Variants in TENM3 observed in about 807,000 individuals in gnomAD.
TENM3 encodes the protein teneurin transmembrane protein 3.
Under a neutral mutation model 255.1 loss-of-function variants are expected in TENM3, and 63 were observed. The observed-to-expected ratio is 0.25, with a 90% confidence interval of 0.20 to 0.30. The LOEUF (loss-of-function observed/expected upper bound fraction) is 0.30, where lower values mean the gene tolerates loss of function less well. TENM3 is among the 10% of genes least tolerant of loss of function. The pLI is 1.00. For synonymous variants in TENM3, 1,306 were observed against 1,322.3 expected, an observed-to-expected ratio of 0.99 and a Z score of 0.27; for missense variants, 2,929 against 3,461.1, an observed-to-expected ratio of 0.85 and a Z score of 3.86.
chr4:182,730,168 T>C (rs1008329287), intron 14 of TENM3, 32 bp from the exon 15 acceptor site: 4 of 1,612,778 alleles, frequency 2.5e-6, no homozygotes, highest in Non-Finnish European at 3.4e-6. Flanking sequence ...AAAAGACAGA[T>C]GTTCATTCTC....
chr4:181,755,683 G>C, the TENM3 span, among the ~76,000 whole-genome samples: 1 of 152,042 alleles, frequency 6.6e-6, no homozygotes, highest in Non-Finnish European at 1.5e-5. Context: ...ATGTGGCTAA[G>C]TGACATCAAT....
intron 3 of TENM3, among the ~76,000 whole-genome samples, chr4:182,563,169 C>G (rs1743391447): frequency 6.6e-6 from 1 of 152,068 alleles, no homozygotes; most frequent in Non-Finnish European, 1.5e-5. Flanking sequence ...AATCCCAACA[C>G]TTAGGGAGGT....
chr4:182,182,903 C>G (rs1752930861), intron 1 of TENM3, among the ~76,000 whole-genome samples: 2 of 152,192 alleles, frequency 1.3e-5, no homozygotes, highest in South Asian at 4.1e-4. Context: ...AGTGTACCAA[C>G]AGTCTATTAT....
Position 182,530,120 on chromosome 4 carries a change from G to C in TENM3, c.512-70804G>C, listed in dbSNP as rs565793379. ...GTGGCCAACATCTCATCCACAACTTGTTCACAAACATATTCATCTCATAGT... is the reference window on the plus strand; with the variant it reads ...GTGGCCAACATCTCATCCACAACTTCTTCACAAACATATTCATCTCATAGT... On this transcript the variant is annotated intron_variant, in intron 3 of 27. Coordinates refer to ENST00000511685, the MANE Select transcript of TENM3 (RefSeq NM_001080477.4). 3.9e-5 allele frequency among the ~76,000 whole-genome samples: 6 copies of C among 152,238 alleles called. No homozygotes were observed. The South Asian group carries it at 1.2e-3, about 32-fold the overall frequency.
At chr4:181,570,813 G>A in the TENM3 span, among the ~76,000 whole-genome samples, 1 of 152,282 alleles carries the variant, frequency 6.6e-6, no homozygotes, top group Admixed American at 6.5e-5. Context: ...GACATTTACT[G>A]GAGGCAACAC....
At chr4:181,630,081 G>A in the TENM3 span, among the ~76,000 whole-genome samples, 684 of 152,274 alleles carry the variant, frequency 4.5e-3, 4 homozygotes, top group Middle Eastern at 0.014. Flanking sequence ...TGTATGTGTC[G>A]AGGAATTTAT....
intron 13 of TENM3, among the ~76,000 whole-genome samples, chr4:182,715,757 T>TCA (rs887573590): frequency 4.6e-5 from 7 of 150,934 alleles, no homozygotes; most frequent in Admixed American, 1.3e-4. Flanking sequence ...ACACACACAC[T>TCA]CACACACACA....
chr4:182,100,489 A>G, the TENM3 span, among the ~76,000 whole-genome samples: 3 of 143,362 alleles, frequency 2.1e-5, no homozygotes, highest in Admixed American at 7.1e-5. Flanking sequence ...ACACATATAT[A>G]TATATACACA....
chr4:182,049,208 C>T, the TENM3 span, among the ~76,000 whole-genome samples: 1 of 152,126 alleles, frequency 6.6e-6, no homozygotes, highest in Non-Finnish European at 1.5e-5. Flanking sequence ...TGACACACTT[C>T]GTGAACAAAA....
chr4:182,009,112 T>C, the TENM3 span, among the ~76,000 whole-genome samples: 3 of 152,110 alleles, frequency 2.0e-5, no homozygotes, highest in African/African-American at 4.8e-5. Context: ...TATCTCCTCC[T>C]TCTTCTGGGA....
At chr4:182,796,268 T>C (rs1766490090) in intron 26 of TENM3, among the ~76,000 whole-genome samples, 1 of 152,264 alleles carries the variant, frequency 6.6e-6, no homozygotes, top group South Asian at 2.1e-4. Flanking sequence ...AGACCAGCCT[T>C]GACCAACTAC....
In TENM3 at chr4:182,683,762, A is replaced by C. The variant is rs577940501; in HGVS notation, c.2035+1748A>C. Among the ~76,000 whole-genome samples the C allele has an allele frequency of 3.3e-5, 5 of 152,302 alleles. No homozygotes were observed. In the East Asian group the frequency reaches 9.7e-4, roughly 29 times the overall value. On this transcript the variant is annotated intron_variant, in intron 11 of 27. Coordinates refer to ENST00000511685, the MANE Select transcript of TENM3 (RefSeq NM_001080477.4). ...CTGTCCTGTAGATAATAAGTCAGAG[A>C]GCATGAATTGTGAGACTTTGATGGC...
the TENM3 span, among the ~76,000 whole-genome samples, chr4:182,076,137 G>A: frequency 3.3e-5 from 5 of 151,396 alleles, no homozygotes; most frequent in East Asian, 1.9e-4. Context: ...TCTCGAACTC[G>A]TGGCCTCACA....
chr4:181,809,838 C>T, the TENM3 span, among the ~76,000 whole-genome samples: 1 of 152,050 alleles, frequency 6.6e-6, no homozygotes, highest in Non-Finnish European at 1.5e-5. Context: ...ACGATGTGGC[C>T]CTGATCCCAG....
chr4:182,450,646 G>A (rs1347593686), intron 3 of TENM3, among the ~76,000 whole-genome samples: 1 of 152,140 alleles, frequency 6.6e-6, no homozygotes, highest in Non-Finnish European at 1.5e-5. Flanking sequence ...TATGAATGCA[G>A]GTGGTTCACC....
At chr4:181,688,868 TTC>T in the TENM3 span, among the ~76,000 whole-genome samples, 1 of 152,306 alleles carries the variant, frequency 6.6e-6, no homozygotes, top group Admixed American at 6.5e-5. Context: ...AGATTATCGT[TTC>T]TGTTTCCAAT....
chr4:182,233,693 A>G (rs1172167710), intron 1 of TENM3, among the ~76,000 whole-genome samples: 2 of 152,208 alleles, frequency 1.3e-5, no homozygotes, highest in South Asian at 2.1e-4. Context: ...TGCCAGCACT[A>G]TCTTCCCAAC....
intron 1 of TENM3, among the ~76,000 whole-genome samples, chr4:182,179,441 C>A (rs1466767178): frequency 1.3e-5 from 2 of 152,202 alleles, no homozygotes; most frequent in Admixed American, 6.5e-5. Context: ...AAAGACAGTA[C>A]TGTAGAGGCA....
Position 182,685,567 on chromosome 4 carries a change from TG to T in TENM3, c.2036-2598del, listed in dbSNP as rs1756507933. 2.0e-5 allele frequency among the ~76,000 whole-genome samples: 3 copies of T among 152,264 alleles called. No homozygotes were observed. In the South Asian group the frequency reaches 6.2e-4, roughly 32 times the overall value. On this transcript the variant is annotated intron_variant, in intron 11 of 27. Transcript: ENST00000511685. ...ATTTACATATAAAATAAGCATTTAG[TG>T]TTTTCTGTTGAGTTTTTACCTACAC... is the stretch of plus-strand genomic sequence containing the variant.
Sources: gnomAD v4.1 joint callset for allele counts (sites outside exome capture counted in the v4.1 genomes callset) on GRCh38, gnomAD v4.1.1 for gene constraint, MANE v1.5 for transcripts, NCBI Gene and HGNC (gene_info 2026-07-23, HGNC 2026-07-21) for gene names.